The following LAMA3 variants were observed in gnomAD, a reference collection of about 807,000 sequenced individuals.
LAMA3 encodes the protein laminin subunit alpha-3.
LAMA3 carries 281 observed loss-of-function variants against 402.0 expected under a neutral mutation model. The observed-to-expected ratio is 0.70, with a 90% CI of 0.63 to 0.77. The LOEUF (loss-of-function observed/expected upper bound fraction) is 0.77. Among genes scored for constraint, LAMA3 ranks in the 30% least tolerant of loss-of-function variants. The pLI is 0.00. For missense variants in LAMA3, 3,840 were observed against 4,215.5 expected (o/e 0.91, Z 2.47); for synonymous variants, 1,431 against 1,558.4 (o/e 0.92, Z 1.93).
At chr18:23,800,172 C>G (rs535858112) in intron 12 of LAMA3, among the ~76,000 whole-genome samples, 1 of 152,172 alleles carries the variant, frequency 6.6e-6, no homozygotes, top group Non-Finnish European at 1.5e-5. Flanking sequence ...AGTACTTAAT[C>G]GTCAATAAAG....
At chr18:23,820,647 C>G (rs2063267175) in intron 19 of LAMA3, among the ~76,000 whole-genome samples, 1 of 152,088 alleles carries the variant, frequency 6.6e-6, no homozygotes, top group Non-Finnish European at 1.5e-5. Context: ...CTACTTATAA[C>G]TAAAAAATTC....
At chr18:23,865,439 T>C (rs2064332330) in intron 36 of LAMA3, among the ~76,000 whole-genome samples, 1 of 152,208 alleles carries the variant, frequency 6.6e-6, no homozygotes, top group African/African-American at 2.4e-5. Flanking sequence ...TCCAGCCACA[T>C]ATTAAGCATT....
chr18:23,724,126 C>T (rs1289169196), intron 2 of LAMA3, among the ~76,000 whole-genome samples: 4 of 152,212 alleles, frequency 2.6e-5, no homozygotes, highest in Admixed American at 6.5e-5. Context: ...CGAGAACATA[C>T]GATATTTGGT....
chr18:23,900,346 C>T (rs1024586926), intron 47 of LAMA3, among the ~76,000 whole-genome samples: 45 of 152,176 alleles, frequency 3.0e-4, no homozygotes, highest in African/African-American at 1.1e-3. Flanking sequence ...GCTGAGATTA[C>T]AGGCGTGAGC....
At chr18:23,946,793 C>A (rs897010925) in intron 70 of LAMA3, 10 of 166,212 alleles carry the variant, frequency 6.0e-5, no homozygotes, top group African/African-American at 2.4e-4. Context: ...TAATAGATAA[C>A]CCTGAGAAAT....
chr18:23,693,907 G>T (rs1487628952), intron 1 of LAMA3, among the ~76,000 whole-genome samples: 1 of 152,214 alleles, frequency 6.6e-6, no homozygotes, highest in Non-Finnish European at 1.5e-5. Flanking sequence ...CAATGGAGCT[G>T]CCTATGGTTG....
intron 1 of LAMA3, among the ~76,000 whole-genome samples, chr18:23,691,726 C>G (rs1266386176): frequency 1.3e-5 from 2 of 152,212 alleles, no homozygotes; most frequent in African/African-American, 2.4e-5. Flanking sequence ...CACATGCCAC[C>G]ATGCGTGGCT....
rs1283776303 is a variant in LAMA3 at position 23,820,002 on chromosome 18, G to A, written c.2304+5G>A. On this transcript the variant is annotated splice_donor_5th_base_variant and intron_variant, in intron 19 of 74. Coordinates refer to ENST00000313654, the MANE Select transcript of LAMA3 (RefSeq NM_198129.4). ...GCCCAAATGACCTCAGTACAGGTAC[G>A]CAACCCGAAGAGAGCAGCTTCATGG... 3 of 1,613,888 alleles carry A rather than the reference G, an allele frequency of 1.9e-6. No individual in the cohort carries two copies. Among genetic ancestry groups the A allele is most frequent in the East Asian group, 2.2e-5 (1 of 44,868 alleles).
intron 42 of LAMA3, among the ~76,000 whole-genome samples, chr18:23,890,849 G>T (rs1487251679): frequency 6.6e-6 from 1 of 152,126 alleles, no homozygotes; most frequent in African/African-American, 2.4e-5. Context: ...CTAGAATGGG[G>T]TATTTATTGT....
intron 12 of LAMA3, among the ~76,000 whole-genome samples, chr18:23,807,558 G>A (rs1430032027): frequency 6.6e-6 from 1 of 151,854 alleles, no homozygotes; most frequent in African/African-American, 2.4e-5. Flanking sequence ...ACAGTTGTAG[G>A]GGCTGGCAAG....
In LAMA3 at chr18:23,847,665, G is replaced by A; in HGVS notation, c.4133G>A (p.Cys1378Tyr). The A allele has an allele frequency of 6.2e-7, 1 of 1,612,996 alleles. No homozygotes were observed. The highest frequency in any genetic ancestry group is 8.5e-7 in the Non-Finnish European group (1 of 1,179,722). Residue 1378 changes from cysteine to tyrosine, a missense_variant, in exon 32 of 75, where the codon TGC becomes TAC. By Grantham distance (194) the Cys-to-Tyr change is radical. This residue lies in a region of LAMA3 where 2,109 missense variants were observed against 2,376.0 expected (regional missense o/e 0.89). Transcript: ENST00000313654. ...GAGTGTGACCGGGACAGCGGGCAGTGCAGGTGAGCTGGGGGAGTAGCCTGT... is the reference window on the plus strand; with the variant it reads ...GAGTGTGACCGGGACAGCGGGCAGTACAGGTGAGCTGGGGGAGTAGCCTGT... The part of the protein sequence containing the change: ...MPECDRDSGQ[C>Y]RCKPRITGRQ...
intron 7 of LAMA3, among the ~76,000 whole-genome samples, chr18:23,762,867 T>A (rs998161997): frequency 6.7e-5 from 10 of 149,812 alleles, no homozygotes; most frequent in South Asian, 2.2e-4. Flanking sequence ...TATATTTTTT[T>A]TTTTTTTGAG....
chr18:23,929,801 T>C (rs1323461803), intron 64 of LAMA3, among the ~76,000 whole-genome samples: 2 of 152,210 alleles, frequency 1.3e-5, no homozygotes, highest in Admixed American at 1.3e-4. Context: ...GATCTAGCTC[T>C]TATGATACCT....
At position 23,954,522 on chromosome 18, in the gene LAMA3, G is replaced by T; in HGVS notation, c.9876G>T (p.Arg3292Ser). 1.2e-6 allele frequency: 2 copies of T among 1,613,782 alleles called. No homozygotes were observed. Among genetic ancestry groups the T allele is most frequent in the Non-Finnish European group, 1.7e-6 (2 of 1,179,898 alleles). The stretch of plus-strand genomic sequence containing the variant: ...TTTCAGCCAATTTGACGACACTGAG[G>T]ATCCCTGTGTGGAAATCATTCTTTG... ...GGAPANLTTL[R>S]IPVWKSFFGC... Residue 3292 changes from arginine (R) to serine (S), a missense_variant, in exon 75 of 75, where the codon AGG becomes AGT. Physicochemically the swap from Arg to Ser is moderately radical, Grantham distance 110 (BLOSUM62 -1). Around this residue, in one of 3 missense-constraint regions of LAMA3, gnomAD observed 840 missense variants for 981.9 expected, o/e 0.86. Coordinates refer to ENST00000313654, the MANE Select transcript of LAMA3 (RefSeq NM_198129.4).
chr18:23,747,920 CTG>C (rs746042236), intron 2 of LAMA3, 21 bp from the exon 3 acceptor site: 32 of 1,273,380 alleles, frequency 2.5e-5, no homozygotes, highest in Non-Finnish European at 3.5e-5. Flanking sequence ...ACATTAATAA[CTG>C]TATCTCTTTT....
intron 1 of LAMA3, among the ~76,000 whole-genome samples, chr18:23,701,896 G>A (rs1343497724): frequency 6.6e-6 from 1 of 152,204 alleles, no homozygotes; most frequent in Non-Finnish European, 1.5e-5. Context: ...TTGAGAAACA[G>A]CCAGAGAGTC....
rs750972311 is a variant in LAMA3, at chr18:23,950,240, A to G, written c.9642+81A>G. 270 of 1,517,720 alleles carry G rather than the reference A, an allele frequency of 1.8e-4. 1 individual carries two copies. Among genetic ancestry groups the G allele is most frequent in the South Asian group, 2.8e-4 (25 of 87,988 alleles). 94.0% of individuals were successfully genotyped at this position (1,517,720 alleles called of 1,614,324 possible). On this transcript the variant is annotated intron_variant, in intron 72 of 74. Coordinates refer to ENST00000313654, the MANE Select transcript of LAMA3 (RefSeq NM_198129.4). ...GGAGGCCACAGCGGGTCAGGTTTGT[A>G]GTAGAGAATGGGATCCAATCTTGTA...
At chr18:23,858,861 T>C (rs376882703) in intron 34 of LAMA3, 32 bp downstream of exon 34, 2 of 1,608,296 alleles carry the variant, frequency 1.2e-6, no homozygotes, top group African/African-American at 2.7e-5. Context: ...TGGGGAACAT[T>C]TTGTACATGG....
rs201107968 is a variant in LAMA3 at position 23,884,806 on chromosome 18, C to A, written c.5256C>A (p.Asp1752Glu). 9 of 1,613,768 alleles carry A rather than the reference C, an allele frequency of 5.6e-6. No individual in the cohort carries two copies. The highest frequency in any genetic ancestry group is 7.6e-6 in the Non-Finnish European group (9 of 1,179,878). The change falls in exon 41 of 75, where the codon GAC becomes GAA. Residue 1752 changes from aspartate (D) to glutamate (E), a missense_variant. Around this residue, in one of 3 missense-constraint regions of LAMA3, gnomAD observed 2,109 missense variants for 2,376.0 expected, o/e 0.89. Coordinates refer to ENST00000313654, the MANE Select transcript of LAMA3 (RefSeq NM_198129.4). ...FATGCVVNGG[D>E]VRCSCKAGYT... is the part of the protein sequence containing the mutation. ...CTGGCTGTGTGGTGAATGGGGGAGA[C>A]GTGCGGTGCTCCTGCAAAGCTGGGT...
Sources: allele counts gnomAD v4.1 joint callset (sites outside exome capture counted in the v4.1 genomes callset), GRCh38; gene constraint gnomAD v4.1.1; regional missense constraint gnomAD v4.1.1; transcripts MANE v1.5; gene names NCBI Gene and HGNC (gene_info 2026-07-23, HGNC 2026-07-21).